GMDS: variants seen among roughly 807,000 people sequenced by gnomAD.
GMDS encodes GDP-mannose 4,6-dehydratase.
Under a neutral mutation model 49.9 loss-of-function variants are expected in GMDS, and 20 were observed. The ratio of observed to expected loss-of-function variants is 0.40; its 90% CI spans 0.28 to 0.58. The LOEUF (loss-of-function observed/expected upper bound fraction) is 0.58, where lower values mean the gene tolerates loss of function less well. Ranked by LOEUF, GMDS falls within the 20% of genes least tolerant of loss-of-function variation. GMDS has a pLI of 0.42. For synonymous variants in GMDS, 177 were observed against 178.6 expected (o/e 0.99, Z 0.07); for missense variants, 362 against 481.4 (o/e 0.75, Z 2.32).
intron 7 of GMDS, among the ~76,000 whole-genome samples, chr6:1,928,735 A>G (rs1405392238): frequency 6.6e-6 from 1 of 152,136 alleles, no homozygotes; most frequent in East Asian, 1.9e-4. Context: ...TTGGGAGGCT[A>G]AGGCGGGTGG....
At chr6:1,852,211 G>T (rs1291878257) in intron 7 of GMDS, among the ~76,000 whole-genome samples, 1 of 152,182 alleles carries the variant, frequency 6.6e-6, no homozygotes, top group East Asian at 1.9e-4. Flanking sequence ...ACTCAGCGGG[G>T]CATTACGCAG....
At chr6:1,670,183 C>T (rs1317541379) in intron 9 of GMDS, among the ~76,000 whole-genome samples, 3 of 152,104 alleles carry the variant, frequency 2.0e-5, no homozygotes, top group East Asian at 1.9e-4. Context: ...ACCAGCAGCT[C>T]GGGGACTTCT....
chr6:1,711,718 C>T (rs775126902), intron 9 of GMDS, among the ~76,000 whole-genome samples: 21 of 152,224 alleles, frequency 1.4e-4, no homozygotes, highest in East Asian at 7.7e-4. Flanking sequence ...TCTGACACCC[C>T]GGCTGCCTGC....
chr6:2,124,976 A>G (rs926570787), intron 1 of GMDS, among the ~76,000 whole-genome samples: 1 of 152,256 alleles, frequency 6.6e-6, no homozygotes, highest in Non-Finnish European at 1.5e-5. Context: ...GAAATCCAGG[A>G]AAGTGATATG....
intron 4 of GMDS, among the ~76,000 whole-genome samples, chr6:2,092,804 T>C (rs1417880474): frequency 6.6e-6 from 1 of 152,086 alleles, no homozygotes; most frequent in African/African-American, 2.4e-5. Flanking sequence ...AAACAAAAAA[T>C]TCATGCAAAA....
At chr6:1,826,192 G>C (rs1206460740) in intron 7 of GMDS, among the ~76,000 whole-genome samples, 1 of 152,136 alleles carries the variant, frequency 6.6e-6, no homozygotes, top group African/African-American at 2.4e-5. Context: ...TTAGGCTAAA[G>C]GAAATTTAAA....
At chr6:1,939,569 A>G (rs1042694238) in intron 6 of GMDS, among the ~76,000 whole-genome samples, 1 of 129,900 alleles carries the variant, frequency 7.7e-6, no homozygotes, top group Non-Finnish European at 1.7e-5. Context: ...ATATATACCT[A>G]TATACATATA....
chr6:1,878,434 A>G (rs1759204166), intron 7 of GMDS, among the ~76,000 whole-genome samples: 1 of 151,878 alleles, frequency 6.6e-6, no homozygotes, highest in South Asian at 2.1e-4. Context: ...AGGAGATGTT[A>G]GCCCTCAGAA....
rs188562863 is a variant in GMDS, at chr6:1,926,809, G to A, written c.771+3294C>T. The stretch of plus-strand genomic sequence containing the variant: ...GACTTTGTTCAGAACACATAAATGA[G>A]AACTATAAAATGCTTCCTACATCAT... On this transcript the variant is annotated intron_variant, in intron 7 of 10. Transcript: ENST00000380815. 2.0e-5 allele frequency among the ~76,000 whole-genome samples: 3 copies of A among 152,294 alleles called. No individual in the cohort carries two copies. The East Asian group carries it at 5.8e-4, about 29-fold the overall frequency.
At chr6:1,947,658 C>T (rs1239258514) in intron 6 of GMDS, among the ~76,000 whole-genome samples, 2 of 152,212 alleles carry the variant, frequency 1.3e-5, no homozygotes, top group African/African-American at 4.8e-5. Context: ...CGCAAACCTT[C>T]TGAAACATAA....
intron 1 of GMDS, among the ~76,000 whole-genome samples, chr6:2,233,568 C>G (rs1471398586): frequency 2.0e-5 from 3 of 152,174 alleles, no homozygotes; most frequent in Non-Finnish European, 4.4e-5. Context: ...ACCTGTAATC[C>G]CAGCACTTTG....
intron 7 of GMDS, among the ~76,000 whole-genome samples, chr6:1,884,992 T>C (rs1194396460): frequency 1.3e-5 from 2 of 152,206 alleles, no homozygotes; most frequent in Non-Finnish European, 2.9e-5. Flanking sequence ...GGAAACTACA[T>C]TGAAATGAGT....
chr6:1,707,460 A>G (rs1561745371), intron 9 of GMDS, among the ~76,000 whole-genome samples: 1 of 152,174 alleles, frequency 6.6e-6, no homozygotes, highest in East Asian at 1.9e-4. Context: ...CACTCTCTCA[A>G]AGGCCCTGCT....
At chr6:2,195,431 G>T (rs953598030) in intron 1 of GMDS, among the ~76,000 whole-genome samples, 2 of 151,914 alleles carry the variant, frequency 1.3e-5, no homozygotes, top group Non-Finnish European at 2.9e-5. Flanking sequence ...GCCTTGGTCT[G>T]CTGAGAACTG....
At chr6:1,847,336 A>G (rs2113758323) in intron 7 of GMDS, among the ~76,000 whole-genome samples, 1 of 152,326 alleles carries the variant, frequency 6.6e-6, no homozygotes, top group East Asian at 1.9e-4. Flanking sequence ...GGTATGAGCC[A>G]CGGCACCTGC....
chr6:2,105,606 T>C (rs1774198758), intron 4 of GMDS, among the ~76,000 whole-genome samples: 1 of 152,214 alleles, frequency 6.6e-6, no homozygotes, highest in Non-Finnish European at 1.5e-5. Context: ...TTACCATCAG[T>C]ACTAATAATG....
At chr6:1,638,341 C>T (rs753202741) in intron 9 of GMDS, among the ~76,000 whole-genome samples, 1 of 152,170 alleles carries the variant, frequency 6.6e-6, no homozygotes, top group Non-Finnish European at 1.5e-5. Flanking sequence ...ACAGAGGGAA[C>T]CCTGGCTGAA....
chr6:2,041,965 G>T (rs1354191116), intron 4 of GMDS, among the ~76,000 whole-genome samples: 3 of 152,150 alleles, frequency 2.0e-5, no homozygotes, highest in African/African-American at 7.2e-5. Context: ...CATGGACTGT[G>T]TAATATTCCA....
chr6:2,242,212 C>T (rs879607239), intron 1 of GMDS, among the ~76,000 whole-genome samples: 4 of 152,196 alleles, frequency 2.6e-5, no homozygotes, highest in African/African-American at 4.8e-5. Context: ...CAAATAATTA[C>T]TCCAAAGAGG....
Sources: gnomAD v4.1 joint callset for allele counts (sites outside exome capture counted in the v4.1 genomes callset) on GRCh38, gnomAD v4.1.1 for gene constraint, MANE v1.5 for transcripts, NCBI Gene and HGNC (gene_info 2026-07-23, HGNC 2026-07-21) for gene names.